Variants in ADGRL3 observed in about 807,000 individuals in gnomAD.
ADGRL3 encodes the protein calcium-independent alpha-latrotoxin receptor 3.
ADGRL3 carries 62 observed loss-of-function variants against 153.5 expected under a neutral mutation model. The observed-to-expected ratio is 0.40, with a 90% CI of 0.33 to 0.50. ADGRL3 has a LOEUF of 0.50. Among genes scored for constraint, ADGRL3 ranks in the 20% least tolerant of loss-of-function variants. The pLI is 0.47. For missense variants in ADGRL3, 1,641 were observed against 1,859.4 expected, an observed-to-expected ratio of 0.88 and a Z score of 2.16; for synonymous variants, 710 against 672.5, an observed-to-expected ratio of 1.06 and a Z score of -0.86.
At chr4:61,602,307 T>C (rs1339971792) in intron 5 of ADGRL3, among the ~76,000 whole-genome samples, 1 of 152,084 alleles carries the variant, frequency 6.6e-6, no homozygotes, top group Non-Finnish European at 1.5e-5. Flanking sequence ...TGACATCATA[T>C]CCCTAAAGTA....
In ADGRL3 at chr4:62,002,564, A is replaced by C. The variant is rs966561166; in HGVS notation, c.3395+4299A>C. ...TATTAAAGAATTCTCTAGAAAAAAT[A>C]ATAAAAAATAGAGTGAAGTAATATA... is the stretch of plus-strand genomic sequence containing the variant. On this transcript the variant is annotated intron_variant, in intron 21 of 26. Coordinates refer to ENST00000683033, the MANE Select transcript of ADGRL3 (RefSeq NM_001387552.1). Among the ~76,000 whole-genome samples, 4 of 152,000 alleles carry C rather than the reference A, an allele frequency of 2.6e-5. No homozygotes were observed. In the East Asian group the frequency reaches 7.7e-4, roughly 29 times the overall value.
intron 6 of ADGRL3, among the ~76,000 whole-genome samples, chr4:61,684,382 T>C (rs949344262): frequency 7.2e-5 from 11 of 152,248 alleles, no homozygotes; most frequent in Non-Finnish European, 1.3e-4. Context: ...GTCAGTGATC[T>C]AGAGATCAAG....
chr4:61,604,016 G>A (rs989165224), intron 5 of ADGRL3, among the ~76,000 whole-genome samples: 1 of 152,088 alleles, frequency 6.6e-6, no homozygotes, highest in African/African-American at 2.4e-5. Context: ...GAGACATTTG[G>A]CACTAATTAA....
intron 8 of ADGRL3, among the ~76,000 whole-genome samples, chr4:61,765,759 T>G (rs1026992388): frequency 6.6e-6 from 1 of 152,106 alleles, no homozygotes; most frequent in Non-Finnish European, 1.5e-5. Context: ...GTTATCTGAC[T>G]AAGGGCATGT....
chr4:61,850,942 T>C (rs1246594643), intron 9 of ADGRL3, among the ~76,000 whole-genome samples: 2 of 152,174 alleles, frequency 1.3e-5, no homozygotes, highest in Non-Finnish European at 2.9e-5. Context: ...TGCAATCATC[T>C]TCCCCAATGG....
intron 4 of ADGRL3, among the ~76,000 whole-genome samples, chr4:61,547,978 C>T (rs1021430765): frequency 6.6e-6 from 1 of 151,872 alleles, no homozygotes; most frequent in Non-Finnish European, 1.5e-5. Flanking sequence ...TTTTGATTTG[C>T]ATTTCTCTGA....
intron 4 of ADGRL3, among the ~76,000 whole-genome samples, chr4:61,551,777 C>T (rs181533265): frequency 2.6e-5 from 4 of 152,196 alleles, no homozygotes; most frequent in African/African-American, 9.6e-5. Context: ...GTAAATAAAA[C>T]CTCAGGACAT....
At chr4:61,417,180 G>A (rs1281169999) in intron 2 of ADGRL3, among the ~76,000 whole-genome samples, 2 of 152,050 alleles carry the variant, frequency 1.3e-5, no homozygotes, top group Non-Finnish European at 2.9e-5. Flanking sequence ...CCTAGGGGTT[G>A]GGGATCCCTG....
intron 25 of ADGRL3, among the ~76,000 whole-genome samples, chr4:62,056,683 C>T (rs1164685541): frequency 1.3e-5 from 2 of 151,986 alleles, no homozygotes; most frequent in African/African-American, 4.8e-5. Context: ...AGAGAGACAT[C>T]ACTCAATAGT....
intron 9 of ADGRL3, among the ~76,000 whole-genome samples, chr4:61,860,435 C>T (rs746527301): frequency 5.9e-5 from 9 of 152,036 alleles, no homozygotes; most frequent in African/African-American, 1.4e-4. Context: ...CGTTACTGAT[C>T]GGAAAAATGA....
intron 25 of ADGRL3, among the ~76,000 whole-genome samples, chr4:62,046,234 A>G (rs1731060947): frequency 6.6e-6 from 1 of 152,074 alleles, no homozygotes; most frequent in Admixed American, 6.6e-5. Context: ...ATGAGGTAAT[A>G]TGATTTTAAT....
intron 21 of ADGRL3, among the ~76,000 whole-genome samples, chr4:62,007,874 C>T: frequency 6.6e-6 from 1 of 152,024 alleles, no homozygotes; most frequent in Non-Finnish European, 1.5e-5. Context: ...GGACTGTAAC[C>T]CTGAGACACT....
chr4:62,028,442 C>T (rs1387522485), intron 21 of ADGRL3, among the ~76,000 whole-genome samples: 2 of 151,600 alleles, frequency 1.3e-5, no homozygotes, highest in Non-Finnish European at 3.0e-5. Flanking sequence ...GTAATCTTAC[C>T]TACTAATATT....
chr4:61,445,919 T>G (rs751484491), intron 2 of ADGRL3, among the ~76,000 whole-genome samples: 20 of 152,216 alleles, frequency 1.3e-4, no homozygotes, highest in Non-Finnish European at 2.6e-4. Context: ...TATGTTTACA[T>G]GTTTAGATAC....
At chr4:61,604,053 A>G (rs1171321807) in intron 5 of ADGRL3, among the ~76,000 whole-genome samples, 2 of 152,310 alleles carry the variant, frequency 1.3e-5, no homozygotes, top group South Asian at 2.1e-4. Flanking sequence ...TAGTTTTGTC[A>G]TAGCTTTTGC....
chr4:61,983,368 T>G lies in ADGRL3; in HGVS notation c.3016-15T>G, dbSNP rs749567807. The G allele has an allele frequency of 6.2e-7, 1 of 1,606,710 alleles. No individual in the cohort carries two copies. The highest frequency in any genetic ancestry group is 8.5e-7 in the Non-Finnish European group (1 of 1,174,074). ...GTGGTAGAGATTTGACTAAATCATT[T>G]GTTCCTTTTCCTAGATTGCCTGTGC... On this transcript the variant is annotated splice_polypyrimidine_tract_variant and intron_variant, in intron 18 of 26. Coordinates refer to ENST00000683033, the MANE Select transcript of ADGRL3 (RefSeq NM_001387552.1).
At chr4:61,358,643 G>T (rs2096232748) in intron 1 of ADGRL3, among the ~76,000 whole-genome samples, 1 of 146,034 alleles carries the variant, frequency 6.8e-6, no homozygotes, top group Non-Finnish European at 1.5e-5. Flanking sequence ...ATGTCTTCTT[G>T]AAAAACTTTT....
intron 2 of ADGRL3, among the ~76,000 whole-genome samples, chr4:61,419,108 A>G (rs2097174697): frequency 6.6e-6 from 1 of 150,802 alleles, no homozygotes; most frequent in Non-Finnish European, 1.5e-5. Flanking sequence ...TAGATTTAAT[A>G]TATAATATAC....
intron 21 of ADGRL3, among the ~76,000 whole-genome samples, chr4:62,019,887 C>T (rs1197573937): frequency 1.3e-5 from 2 of 152,088 alleles, no homozygotes; most frequent in Non-Finnish European, 2.9e-5. Context: ...GTCTACTCAA[C>T]TCTAAAAAGA....
Sources: allele counts gnomAD v4.1 joint callset (sites outside exome capture counted in the v4.1 genomes callset), GRCh38; gene constraint gnomAD v4.1.1; transcripts MANE v1.5; gene names NCBI Gene and HGNC (gene_info 2026-07-23, HGNC 2026-07-21).